Variants in RIN3 observed in about 807,000 individuals in gnomAD.
RIN3 encodes Ras and Rab interactor 3, also known as RAB5 interacting protein 3.
Under a neutral mutation model 76.3 loss-of-function variants are expected in RIN3, and 54 were observed. The observed-to-expected ratio is 0.71, with a 90% CI of 0.57 to 0.89. RIN3 has a LOEUF of 0.89. Ranked by LOEUF, RIN3 falls within the 40% of genes least tolerant of loss-of-function variation. RIN3 has a pLI of 0.00. For missense variants in RIN3, 1,256 were observed against 1,322.1 expected (o/e 0.95, Z 0.78); for synonymous variants, 576 against 564.0 (o/e 1.02, Z -0.30).
chr14:92,573,295 G>A (rs1319647941), intron 2 of RIN3, among the ~76,000 whole-genome samples: 1 of 152,146 alleles, frequency 6.6e-6, no homozygotes, highest in Non-Finnish European at 1.5e-5. Context: ...AGGGGGTGAG[G>A]ACAGCTCCAA....
intron 1 of RIN3, among the ~76,000 whole-genome samples, chr14:92,522,755 T>G (rs1041346548): frequency 3.9e-5 from 6 of 152,172 alleles, no homozygotes; most frequent in Non-Finnish European, 7.3e-5. Context: ...GGCCCCTGAA[T>G]TTTTGCTGGG....
rs1047968448 is a variant in RIN3, at chr14:92,643,300, C to A, written c.532+1971C>A. Among the ~76,000 whole-genome samples the A allele has an allele frequency of 4.6e-5, 7 of 152,320 alleles. No individual in the cohort carries two copies. The highest frequency in any genetic ancestry group is 1.4e-4 in the African/African-American group (6 of 41,566). ...AACTCCTGACCTCATGATCCACCCA[C>A]CTCGGCCTCCCAAAGTGCTGGGATT... On this transcript the variant is annotated intron_variant, in intron 5 of 9. Coordinates refer to ENST00000216487, the MANE Select transcript of RIN3 (RefSeq NM_024832.5). The surrounding 1 kb of genome is among the most constrained non-coding windows in gnomAD (Gnocchi z 4.8).
chr14:92,597,462 G>A (rs572360020), intron 3 of RIN3, among the ~76,000 whole-genome samples: 1 of 152,316 alleles, frequency 6.6e-6, no homozygotes, highest in African/African-American at 2.4e-5. Context: ...AACGCCAGTG[G>A]CAGTGGCTGT....
chr14:92,652,135 G>T lies in RIN3; in HGVS notation c.1086G>T (p.Gly362=). 1.2e-6 allele frequency: 2 copies of T among 1,608,590 alleles called. No individual in the cohort carries two copies. Among genetic ancestry groups the T allele is most frequent in the Non-Finnish European group, 8.5e-7 (1 of 1,179,108 alleles). ...GPLREEAMKP[G]AASSPLQQVP... is the part of the protein sequence containing the mutation. Reference sequence around the variant, plus strand: ...TCAGGGAGGAAGCGATGAAGCCAGGGGCAGCCTCCAGTCCCTTGCAGCAGG... The same window carrying T: ...TCAGGGAGGAAGCGATGAAGCCAGGTGCAGCCTCCAGTCCCTTGCAGCAGG... The change falls in exon 6 of 10, where the codon GGG becomes GGT. Residue 362 remains glycine (G), a synonymous_variant. Transcript: ENST00000216487. This position sits in a 1 kb window ranked among gnomAD's most constrained non-coding sequence, Gnocchi z 6.4.
At chr14:92,520,709 T>C (rs2139992318) in intron 1 of RIN3, among the ~76,000 whole-genome samples, 1 of 152,294 alleles carries the variant, frequency 6.6e-6, no homozygotes, top group African/African-American at 2.4e-5. Context: ...AGTGTGCTTC[T>C]TCACCCATCT....
chr14:92,682,693 C>T (rs1290368302), intron 8 of RIN3, among the ~76,000 whole-genome samples: 1 of 152,214 alleles, frequency 6.6e-6, no homozygotes, highest in Non-Finnish European at 1.5e-5. Context: ...CCCACCCAGC[C>T]TTCCACTTAT....
At chr14:92,563,593 T>C (rs1897838379) in intron 2 of RIN3, among the ~76,000 whole-genome samples, 1 of 151,742 alleles carries the variant, frequency 6.6e-6, no homozygotes. Flanking sequence ...GTTGTGGAAC[T>C]TGATTTAAAC....
intron 4 of RIN3, among the ~76,000 whole-genome samples, chr14:92,616,191 G>A (rs902357336): frequency 2.1e-4 from 32 of 152,122 alleles, no homozygotes; most frequent in African/African-American, 5.6e-4. Flanking sequence ...GAGGGTGTCC[G>A]GGTTCTTGGT....
At position 92,513,812 on chromosome 14, in the gene RIN3, C is replaced by G. The variant is rs565665045; in HGVS notation, c.-121C>G. On this transcript the variant is annotated 5_prime_UTR_variant, in exon 1 of 10. Coordinates refer to ENST00000216487, the MANE Select transcript of RIN3 (RefSeq NM_024832.5). ...GAGCGAGAGCCCCAGAGCGCGGCGG[C>G]AGCGGCGGCCTGGCCCTTCCAGAGG... The G allele has an allele frequency of 5.4e-6, 3 of 557,806 alleles. No homozygotes were observed. Among genetic ancestry groups the G allele is most frequent in the South Asian group, 8.6e-5 (1 of 11,606 alleles). The allele number at this position is 557,806 out of a possible 1,614,324, so 34.6% of individuals were successfully genotyped here.
chr14:92,569,668 T>C (rs1898012203), intron 2 of RIN3, among the ~76,000 whole-genome samples: 1 of 151,648 alleles, frequency 6.6e-6, no homozygotes, highest in South Asian at 2.1e-4. Context: ...TAGAAATAGC[T>C]ATGGGCTAGG....
chr14:92,686,907 G>C (rs899209395), intron 9 of RIN3: 1 of 152,342 alleles, frequency 6.6e-6, no homozygotes, highest in Non-Finnish European at 1.5e-5. Context: ...GAGTGGGCCG[G>C]GCTTTTCCCC....
At chr14:92,526,319 C>T (rs539977778) in intron 1 of RIN3, among the ~76,000 whole-genome samples, 136 of 152,046 alleles carry the variant, frequency 8.9e-4, no homozygotes, top group South Asian at 2.7e-3. Context: ...ATTAGCTGGG[C>T]GTGGTGGTGC....
intron 1 of RIN3, among the ~76,000 whole-genome samples, chr14:92,543,647 A>C: frequency 9.0e-6 from 1 of 111,500 alleles, no homozygotes; most frequent in Admixed American, 1.1e-4. Context: ...TTTTTTTTAA[A>C]TCTTGGCTCA....
chr14:92,554,912 GA>G (rs1897536141), intron 1 of RIN3, among the ~76,000 whole-genome samples: 1 of 151,658 alleles, frequency 6.6e-6, no homozygotes, highest in Non-Finnish European at 1.5e-5. Flanking sequence ...GACAGAGCAA[GA>G]ATCTGTCTCA....
rs1257440907 is a variant in RIN3, at chr14:92,688,474, C to G, written c.*222C>G. ...CCCTGAGACACCGAGACGGCATGTT[C>G]TTCATTAGACGGAAAGGGAAACTGA... On this transcript the variant is annotated 3_prime_UTR_variant, in exon 10 of 10. Coordinates refer to ENST00000216487, the MANE Select transcript of RIN3 (RefSeq NM_024832.5). 1.1e-5 allele frequency: 6 copies of G among 561,422 alleles called. No individual in the cohort carries two copies. In the Admixed American group the frequency reaches 1.9e-4, roughly 18 times the overall value. 34.8% of individuals were successfully genotyped at this position (561,422 alleles called of 1,614,324 possible). A position where few individuals can be genotyped will look rare whatever the true frequency, so the allele number is the denominator to read the frequency against.
At chr14:92,680,711 G>A (rs1888633546) in intron 8 of RIN3, among the ~76,000 whole-genome samples, 1 of 152,250 alleles carries the variant, frequency 6.6e-6, no homozygotes, top group African/African-American at 2.4e-5. Context: ...GTGTTTCGTA[G>A]TTCAGGTGAG....
At chr14:92,678,451 A>T (rs1349524269) in intron 8 of RIN3, among the ~76,000 whole-genome samples, 2 of 140,010 alleles carry the variant, frequency 1.4e-5, no homozygotes, top group East Asian at 4.5e-4. Context: ...ATATCCATAT[A>T]CCCACCCACC....
At chr14:92,518,864 T>C (rs1166075259) in intron 1 of RIN3, among the ~76,000 whole-genome samples, 1 of 150,352 alleles carries the variant, frequency 6.7e-6, no homozygotes, top group Non-Finnish European at 1.5e-5. Context: ...ACGTGTCTTT[T>C]CTTAGGCAGA....
At chr14:92,682,637 G>A (rs1407739737) in intron 8 of RIN3, among the ~76,000 whole-genome samples, 1 of 152,132 alleles carries the variant, frequency 6.6e-6, no homozygotes, top group Admixed American at 6.5e-5. Flanking sequence ...AAACCCAAAG[G>A]GATACATCCA....
Sources: gnomAD v4.1 joint callset for allele counts (sites outside exome capture counted in the v4.1 genomes callset) on GRCh38, gnomAD v4.1.1 for gene constraint, Gnocchi (gnomAD v3.1) non-coding constraint, MANE v1.5 for transcripts, NCBI Gene and HGNC (gene_info 2026-07-23, HGNC 2026-07-21) for gene names.